The following DHRSX variants were observed in gnomAD, a reference collection of about 807,000 sequenced individuals.
DHRSX encodes the protein dehydrogenase/reductase X-linked, also known as polyprenol dehydrogenase.
DHRSX carries 31 observed loss-of-function variants against 34.0 expected under a neutral mutation model. The ratio of observed to expected loss-of-function variants is 0.91; its 90% CI spans 0.69 to 1.23. The LOEUF is 1.23. Ranked by LOEUF, DHRSX falls within the 50% of genes most tolerant of loss-of-function variation. The pLI, the probability that DHRSX is intolerant of heterozygous loss-of-function variation, is 0.00. For missense variants in DHRSX, 414 were observed against 428.1 expected (o/e 0.97, Z 0.29); for synonymous variants, 201 against 183.8 (o/e 1.09, Z -0.76).
chrX:2,289,319 T>C (rs1040667130), intron 4 of DHRSX, among the ~76,000 whole-genome samples: 28 of 152,040 alleles, frequency 1.8e-4, no homozygotes, highest in African/African-American at 6.8e-4. Context: ...GGTTTCACCA[T>C]ATTGGTCAGG....
intron 1 of DHRSX, among the ~76,000 whole-genome samples, chrX:2,465,822 A>AAAAG (rs1409794825): frequency 1.2e-4 from 17 of 146,284 alleles, no homozygotes; most frequent in African/African-American, 4.3e-4. Flanking sequence ...AAAAAAAAAA[A>AAAAG]AAAAGAGAAA....
chrX:2,265,528 T>C (rs1200632829), intron 5 of DHRSX, among the ~76,000 whole-genome samples: 137 of 71,076 alleles, frequency 1.9e-3, no homozygotes, highest in South Asian at 3.9e-3. Flanking sequence ...GTCCAGCAGA[T>C]GCAGGGAGCA....
intron 3 of DHRSX, among the ~76,000 whole-genome samples, chrX:2,311,250 GAGAGAGAA>G (rs2042162337): frequency 6.6e-6 from 1 of 152,046 alleles, no homozygotes; most frequent in Admixed American, 6.6e-5. Flanking sequence ...GAGACATACA[GAGAGAGAA>G]AGAGAGAGAT....
chrX:2,373,814 G>A lies in DHRSX; in HGVS notation c.286+34931C>T, dbSNP rs899583992. On this transcript the variant is annotated intron_variant, in intron 3 of 6. Coordinates refer to ENST00000334651, the MANE Select transcript of DHRSX (RefSeq NM_145177.3). ...TCCTGGAGGAGGCATCATCCGGCCAGGAAATAGAGGTGAGATGTTGACAGC... is the reference window on the plus strand; with the variant it reads ...TCCTGGAGGAGGCATCATCCGGCCAAGAAATAGAGGTGAGATGTTGACAGC... Among the ~76,000 whole-genome samples the A allele has an allele frequency of 3.3e-5, 5 of 152,248 alleles. No homozygotes were observed. In the East Asian group the frequency reaches 9.7e-4, roughly 29 times the overall value.
At chrX:2,372,820 G>T (rs28707717) in intron 3 of DHRSX, among the ~76,000 whole-genome samples, 3 of 151,538 alleles carry the variant, frequency 2.0e-5, no homozygotes, top group African/African-American at 7.3e-5. Context: ...TCATGTTGGC[G>T]AGGCTGGTCT....
At chrX:2,257,080 C>G (rs1327586163) in intron 5 of DHRSX, among the ~76,000 whole-genome samples, 1 of 152,152 alleles carries the variant, frequency 6.6e-6, no homozygotes, top group South Asian at 2.1e-4. Flanking sequence ...CTCAGCCTTC[C>G]GAGTAGCAGG....
intron 3 of DHRSX, among the ~76,000 whole-genome samples, chrX:2,386,022 T>G (rs73191334): frequency 0.25 from 37,314 of 151,884 alleles, 5,733 homozygotes; most frequent in Non-Finnish European, 0.35. Context: ...AGTAAATGAA[T>G]GTATATGGCT....
At chrX:2,461,670 T>TA (rs1254618824) in intron 1 of DHRSX, among the ~76,000 whole-genome samples, 1 of 152,170 alleles carries the variant, frequency 6.6e-6, no homozygotes, top group Non-Finnish European at 1.5e-5. Context: ...GCCACCCAGG[T>TA]AGCTGTGACC....
At chrX:2,439,101 T>A (rs1170241948) in intron 1 of DHRSX, among the ~76,000 whole-genome samples, 1 of 149,998 alleles carries the variant, frequency 6.7e-6, no homozygotes, top group Non-Finnish European at 1.5e-5. Flanking sequence ...GCTCAGATCA[T>A]GCCATTGCAC....
chrX:2,338,988 T>C (rs1206536100), intron 3 of DHRSX, among the ~76,000 whole-genome samples: 25 of 152,036 alleles, frequency 1.6e-4, no homozygotes, highest in Admixed American at 1.6e-3. Flanking sequence ...GGTACACTCA[T>C]GGAATGATAA....
chrX:2,345,286 A>T (rs2042690602), intron 3 of DHRSX, among the ~76,000 whole-genome samples: 1 of 152,086 alleles, frequency 6.6e-6, no homozygotes, highest in South Asian at 2.1e-4. Flanking sequence ...TATCGAAATC[A>T]GGAGACTTTG....
At chrX:2,297,651 GTCTC>G (rs1316965719) in intron 3 of DHRSX, among the ~76,000 whole-genome samples, 2 of 152,046 alleles carry the variant, frequency 1.3e-5, no homozygotes, top group African/African-American at 4.8e-5. Flanking sequence ...AGAGACAGGG[GTCTC>G]TCTATGTTGC....
intron 3 of DHRSX, among the ~76,000 whole-genome samples, chrX:2,370,940 C>T (rs1176868006): frequency 6.6e-6 from 1 of 152,132 alleles, no homozygotes; most frequent in Non-Finnish European, 1.5e-5. Context: ...ACCCCAATCA[C>T]GGTTGTTCCG....
chrX:2,230,723 G>A (rs1437490140), intron 6 of DHRSX, among the ~76,000 whole-genome samples: 1 of 152,116 alleles, frequency 6.6e-6, no homozygotes, highest in Non-Finnish European at 1.5e-5. Context: ...ACTGTGACAG[G>A]GCAATCCTGC....
intron 1 of DHRSX, among the ~76,000 whole-genome samples, chrX:2,440,826 T>C (rs2044053429): frequency 6.6e-6 from 1 of 152,170 alleles, no homozygotes; most frequent in Admixed American, 6.6e-5. Context: ...GGACTTCACC[T>C]TGTGATCGTG....
chrX:2,465,813 A>AAAAG (rs1158754943), intron 1 of DHRSX, among the ~76,000 whole-genome samples: 1 of 138,528 alleles, frequency 7.2e-6, no homozygotes, highest in African/African-American at 3.1e-5. Flanking sequence ...CCATCGCAAA[A>AAAAG]AAAAAAAAAA....
chrX:2,469,804 C>G (rs1194197233), intron 1 of DHRSX, among the ~76,000 whole-genome samples: 1 of 152,216 alleles, frequency 6.6e-6, no homozygotes, highest in Non-Finnish European at 1.5e-5. Context: ...GGGACCGCCA[C>G]CTTGTACATA....
intron 5 of DHRSX, among the ~76,000 whole-genome samples, chrX:2,260,274 A>G (rs987187965): frequency 7.8e-4 from 117 of 150,358 alleles, no homozygotes; most frequent in African/African-American, 2.7e-3. Context: ...TGGGGCACCT[A>G]GATGTTTGAT....
intron 1 of DHRSX, among the ~76,000 whole-genome samples, chrX:2,455,112 C>CA (rs35335750): frequency 0.48 from 66,792 of 138,978 alleles, 17,601 homozygotes; most frequent in African/African-American, 0.72. Context: ...AACCCCATCT[C>CA]AAAAAAAAAA....
Sources: gnomAD v4.1 joint callset for allele counts (sites outside exome capture counted in the v4.1 genomes callset) on GRCh38, gnomAD v4.1.1 for gene constraint, MANE v1.5 for transcripts, NCBI Gene and HGNC (gene_info 2026-07-23, HGNC 2026-07-21) for gene names.